Variants in MYO10 observed in about 807,000 individuals in gnomAD.
The protein encoded by MYO10 is unconventional myosin-X.
A neutral mutation model predicts 257.3 loss-of-function variants in MYO10; 133 were observed. That is an observed-to-expected ratio of 0.52 (90% CI 0.45 to 0.60). MYO10 has a LOEUF of 0.60. MYO10 is among the 20% of genes least tolerant of loss of function. MYO10 has a pLI of 0.00. For missense variants in MYO10, 2,399 were observed against 2,635.7 expected (o/e 0.91, Z 1.97); for synonymous variants, 1,104 against 1,028.6 (o/e 1.07, Z -1.40).
intron 3 of MYO10, among the ~76,000 whole-genome samples, chr5:16,815,833 A>C (rs1235780123): frequency 6.6e-6 from 1 of 152,170 alleles, no homozygotes; most frequent in African/African-American, 2.4e-5. Flanking sequence ...CAGCTCATGC[A>C]AAACACAGAA....
chr5:16,850,402 C>T (rs943255720), intron 2 of MYO10, among the ~76,000 whole-genome samples: 2 of 151,982 alleles, frequency 1.3e-5, no homozygotes, highest in African/African-American at 4.8e-5. Flanking sequence ...CTCAGCCTCC[C>T]GAGTACCTGG....
chr5:16,738,984 G>T (rs553415216), intron 19 of MYO10, among the ~76,000 whole-genome samples: 19 of 151,424 alleles, frequency 1.3e-4, no homozygotes, highest in African/African-American at 4.4e-4. Flanking sequence ...ATCCATTAAT[G>T]GCAGTTTCTT....
At chr5:16,768,664 C>CTTTTTTTTTTTTTT (rs34950225) in intron 10 of MYO10, among the ~76,000 whole-genome samples, 7 of 70,142 alleles carry the variant, frequency 1.0e-4, no homozygotes, top group Admixed American at 2.5e-4. Context: ...TTTCTCTTTT[C>CTTTTTTTTTTTTTT]TTTTTTTTTT....
At chr5:16,671,750 G>A (rs1049231800) in intron 37 of MYO10, among the ~76,000 whole-genome samples, 1 of 152,180 alleles carries the variant, frequency 6.6e-6, no homozygotes, top group Non-Finnish European at 1.5e-5. Flanking sequence ...CAAACAGGCA[G>A]CCCCTAGTTT....
Position 16,884,129 on chromosome 5 carries a change from G to A in MYO10, c.22-6422C>T, listed in dbSNP as rs138230860. ...GCAGAGGGCTGGCACAGTGCCTCAT[G>A]CCTGTAATCCCAGCACTCTGGGAGA... On this transcript the variant is annotated intron_variant, in intron 1 of 40. Coordinates refer to ENST00000513610, the MANE Select transcript of MYO10 (RefSeq NM_012334.3). 1.6e-4 allele frequency among the ~76,000 whole-genome samples: 24 copies of A among 152,328 alleles called. 1 individual carries two copies. In the East Asian group the frequency reaches 4.6e-3, roughly 29 times the overall value.
chr5:16,792,323 A>G (rs1157857831), intron 4 of MYO10, among the ~76,000 whole-genome samples: 1 of 152,108 alleles, frequency 6.6e-6, no homozygotes, highest in Non-Finnish European at 1.5e-5. Flanking sequence ...CGTGTGTGGC[A>G]CCTGCAGATA....
At chr5:16,875,280 T>C (rs1449945959) in intron 2 of MYO10, among the ~76,000 whole-genome samples, 2 of 152,202 alleles carry the variant, frequency 1.3e-5, no homozygotes, top group Non-Finnish European at 2.9e-5. Context: ...TTGAGAAGTA[T>C]GTACAGGTCC....
chr5:16,931,502 C>T (rs1746294094), intron 1 of MYO10, among the ~76,000 whole-genome samples: 2 of 152,190 alleles, frequency 1.3e-5, no homozygotes, highest in Admixed American at 6.5e-5. Context: ...CAGGAACAGC[C>T]GGCCACATGA....
chr5:16,699,474 AATACGGC>A lies in MYO10; in HGVS notation c.3525_3531del (p.Pro1176SerfsTer7), dbSNP rs1453913262. 1 of 1,613,932 alleles carries A rather than the reference AATACGGC, an allele frequency of 6.2e-7. No individual in the cohort carries two copies. The highest frequency in any genetic ancestry group is 8.5e-7 in the Non-Finnish European group (1 of 1,179,884). On this transcript the variant is annotated frameshift_variant, in exon 26 of 41. Coordinates refer to ENST00000513610, the MANE Select transcript of MYO10 (RefSeq NM_012334.3). LOFTEE classifies it high-confidence loss of function. Reference sequence around the variant, plus strand: ...CCTTTCATGTACAGAAAGCTGTGGAAATACGGCAGAGTGACACAGCTGTACACAGAGT... The same window carrying A: ...CCTTTCATGTACAGAAAGCTGTGGAAAGAGTGACACAGCTGTACACAGAGT...
In MYO10 at chr5:16,781,780, AGTT is replaced by A. The variant is rs1330925039; in HGVS notation, c.649_651del (p.Asn217del). The A allele has an allele frequency of 6.2e-7, 1 of 1,613,870 alleles. No individual in the cohort carries two copies. Among genetic ancestry groups the A allele is most frequent in the South Asian group, 1.1e-5 (1 of 91,080 alleles). On this transcript the variant is annotated inframe_deletion, in exon 6 of 41. Coordinates refer to ENST00000513610, the MANE Select transcript of MYO10 (RefSeq NM_012334.3). The stretch of plus-strand genomic sequence containing the variant: ...TGAACAAACTTCCCAAAGCGACTAG[AGTT>A]GTTGTTGTACACGGTCTTCGCATTG...
At chr5:16,836,332 T>A (rs1392594262) in intron 2 of MYO10, among the ~76,000 whole-genome samples, 1 of 152,200 alleles carries the variant, frequency 6.6e-6, no homozygotes, top group African/African-American at 2.4e-5. Flanking sequence ...GAACAGCTCC[T>A]CCTCCACTGT....
chr5:16,860,462 T>A (rs1325254556), intron 2 of MYO10, among the ~76,000 whole-genome samples: 1 of 152,188 alleles, frequency 6.6e-6, no homozygotes, highest in Non-Finnish European at 1.5e-5. Flanking sequence ...CCCAGGCCCA[T>A]ATTTACTGAG....
At chr5:16,873,989 C>T (rs1478509885) in intron 2 of MYO10, among the ~76,000 whole-genome samples, 3 of 152,136 alleles carry the variant, frequency 2.0e-5, no homozygotes, top group African/African-American at 7.2e-5. Flanking sequence ...TAACATTAGG[C>T]TCCTTGCTAC....
chr5:16,711,299 T>C, intron 19 of MYO10, 54 bp from the exon 20 acceptor site: 1 of 1,554,094 alleles, frequency 6.4e-7, no homozygotes, highest in South Asian at 1.2e-5. Context: ...TGGAATTCGA[T>C]AAGGGAGGCT....
chr5:16,814,471 AC>A (rs1452053738), intron 3 of MYO10: 2 of 152,026 alleles, frequency 1.3e-5, no homozygotes, highest in Non-Finnish European at 2.9e-5. Context: ...AAGTTGGTAC[AC>A]TTATGGTAAC....
chr5:16,701,149 C>T lies in MYO10; in HGVS notation c.3246G>A (p.Leu1082=). 3 of 1,602,428 alleles carry T rather than the reference C, an allele frequency of 1.9e-6. No homozygotes were observed. Among genetic ancestry groups the T allele is most frequent in the Admixed American group, 1.7e-5 (1 of 57,940 alleles). ...TYCMPQNAGD[L]PSPDGDYDYD... ...AGTCGTAGTCGCCGTCTGGGGAGGG[C>T]AAGTCCCCAGCGTTCTGGGGCATGC... The change falls in exon 25 of 41, where the codon TTG becomes TTA. Residue 1082 remains leucine, a synonymous_variant. Coordinates refer to ENST00000513610, the MANE Select transcript of MYO10 (RefSeq NM_012334.3). The surrounding 1 kb of genome is among the most constrained non-coding windows in gnomAD (Gnocchi z 8.1).
chr5:16,854,138 A>T (rs1457013558), intron 2 of MYO10: 2 of 152,192 alleles, frequency 1.3e-5, no homozygotes, highest in African/African-American at 2.4e-5. Flanking sequence ...AGCATGTAAG[A>T]ATTATCTCAC....
intron 19 of MYO10, among the ~76,000 whole-genome samples, chr5:16,714,606 G>A (rs1337872746): frequency 6.6e-6 from 1 of 152,146 alleles, no homozygotes; most frequent in Non-Finnish European, 1.5e-5. Context: ...AAGACCAAAT[G>A]CAGGAGATTG....
chr5:16,713,427 G>A, intron 19 of MYO10: 1 of 985,794 alleles, frequency 1.0e-6, no homozygotes, highest in Non-Finnish European at 1.2e-6. Flanking sequence ...TTTCCCCACA[G>A]CTAAAGACAT....
Sources: gnomAD v4.1 joint callset for allele counts (sites outside exome capture counted in the v4.1 genomes callset) on GRCh38, gnomAD v4.1.1 for gene constraint, Gnocchi (gnomAD v3.1) non-coding constraint, MANE v1.5 for transcripts, NCBI Gene and HGNC (gene_info 2026-07-23, HGNC 2026-07-21) for gene names.